Variants in PARVA observed in about 807,000 individuals in gnomAD.
PARVA encodes the protein parvin alpha.
PARVA carries 25 observed loss-of-function variants against 52.6 expected under a neutral mutation model. The observed-to-expected ratio is 0.48, with a 90% CI of 0.35 to 0.66. The LOEUF (loss-of-function observed/expected upper bound fraction) is 0.66, where lower values mean the gene tolerates loss of function less well. PARVA is among the 30% of genes least tolerant of loss of function. PARVA has a pLI of 0.01. For synonymous variants in PARVA, 185 were observed against 179.1 expected, an observed-to-expected ratio of 1.03 and a Z score of -0.26; for missense variants, 373 against 450.9, an observed-to-expected ratio of 0.83 and a Z score of 1.56.
intron 1 of PARVA, among the ~76,000 whole-genome samples, chr11:12,405,587 AAAT>A (rs1380221220): frequency 6.6e-6 from 1 of 152,032 alleles, no homozygotes; most frequent in Non-Finnish European, 1.5e-5. Context: ...TAAAGACAAA[AAAT>A]AAACCATAGT....
At chr11:12,466,893 C>G (rs1421704988) in intron 1 of PARVA, among the ~76,000 whole-genome samples, 1 of 152,102 alleles carries the variant, frequency 6.6e-6, no homozygotes, top group South Asian at 2.1e-4. Context: ...TTTGTGTAAA[C>G]TTTAGAATCA....
At chr11:12,451,039 A>G (rs1042132149) in intron 1 of PARVA, among the ~76,000 whole-genome samples, 1 of 152,154 alleles carries the variant, frequency 6.6e-6, no homozygotes, top group Non-Finnish European at 1.5e-5. Context: ...AGTCCAATCA[A>G]GTTGATACTC....
intron 4 of PARVA, 139 bp downstream of exon 4, chr11:12,478,088 C>G (rs1279092320): frequency 1.4e-6 from 1 of 732,590 alleles, no homozygotes; most frequent in Admixed American, 1.9e-5. Flanking sequence ...CATGGAATAA[C>G]AGCTCAGTGA....
intron 12 of PARVA, among the ~76,000 whole-genome samples, chr11:12,526,232 CTTT>C (rs80159559): frequency 6.6e-6 from 1 of 151,394 alleles, no homozygotes; most frequent in Admixed American, 6.6e-5. Context: ...AAAATAAAAT[CTTT>C]TTTTTTAAAA....
intron 4 of PARVA, among the ~76,000 whole-genome samples, chr11:12,484,541 G>C (rs1941132997): frequency 9.3e-6 from 1 of 107,070 alleles, no homozygotes; most frequent in Non-Finnish European, 2.1e-5. Context: ...GTGTGTGTGT[G>C]TGTGTGTGGT....
chr11:12,493,957 C>T (rs1032319474), intron 4 of PARVA, among the ~76,000 whole-genome samples: 5 of 152,264 alleles, frequency 3.3e-5, no homozygotes, highest in African/African-American at 9.6e-5. Context: ...CAAGTTCAGA[C>T]CTCTGGTACT....
At chr11:12,467,278 T>TTTTGTTTG (rs1050608008) in intron 1 of PARVA, among the ~76,000 whole-genome samples, 1 of 152,208 alleles carries the variant, frequency 6.6e-6, no homozygotes, top group Non-Finnish European at 1.5e-5. Flanking sequence ...AGCATTGGTG[T>TTTTGTTTG]TTTGTTTGTT....
chr11:12,428,834 T>C (rs569307961), intron 1 of PARVA, among the ~76,000 whole-genome samples: 49 of 152,308 alleles, frequency 3.2e-4, no homozygotes, highest in Admixed American at 8.5e-4. Flanking sequence ...TAAAATGTTA[T>C]AAATTGAAAA....
At chr11:12,376,634 A>AGAAG (rs144624980), upstream of PARVA, 9,762 of 522,690 alleles carry the variant, frequency 0.019, 109 homozygotes, top group Non-Finnish European at 0.021. Context: ...GCTGTGGCCT[A>AGAAG]GAAGGGGCCA....
chr11:12,482,574 C>T (rs1056818822), intron 4 of PARVA, among the ~76,000 whole-genome samples: 2 of 148,382 alleles, frequency 1.3e-5, no homozygotes, highest in African/African-American at 5.0e-5. Flanking sequence ...TGCAGTGAGC[C>T]AAGATCATAC....
At chr11:12,436,387 A>G (rs1310738400) in intron 1 of PARVA, among the ~76,000 whole-genome samples, 1 of 152,172 alleles carries the variant, frequency 6.6e-6, no homozygotes, top group African/African-American at 2.4e-5. Flanking sequence ...CACACAACAC[A>G]ATTAGAGCCC....
At chr11:12,448,762 C>T (rs1940581522) in intron 1 of PARVA, among the ~76,000 whole-genome samples, 3 of 152,194 alleles carry the variant, frequency 2.0e-5, no homozygotes, top group African/African-American at 7.2e-5. Flanking sequence ...GATACAACAG[C>T]TGGAAGCCAG....
At chr11:12,481,635 A>G (rs1054379957) in intron 4 of PARVA, among the ~76,000 whole-genome samples, 4 of 152,194 alleles carry the variant, frequency 2.6e-5, no homozygotes, top group East Asian at 3.8e-4. Context: ...ATAACCAAAC[A>G]TCTGTACCTA....
At chr11:12,486,120 C>T (rs182870275) in intron 4 of PARVA, among the ~76,000 whole-genome samples, 3 of 152,058 alleles carry the variant, frequency 2.0e-5, no homozygotes, top group Non-Finnish European at 4.4e-5. Flanking sequence ...GACATATGTA[C>T]GATAGTAATG....
chr11:12,417,912 T>A (rs1940089892), intron 1 of PARVA, among the ~76,000 whole-genome samples: 1 of 152,160 alleles, frequency 6.6e-6, no homozygotes, highest in Non-Finnish European at 1.5e-5. Flanking sequence ...AGGGAGCACC[T>A]CCTACAAGGC....
At chr11:12,493,284 A>G (rs1941254964) in intron 4 of PARVA, among the ~76,000 whole-genome samples, 1 of 151,454 alleles carries the variant, frequency 6.6e-6, no homozygotes, top group African/African-American at 2.4e-5. Flanking sequence ...TGAACCCGGG[A>G]GGCAGAGGTT....
Position 12,435,733 on chromosome 11 carries a change from C to T in PARVA, c.137-38012C>T, listed in dbSNP as rs73411571. ...ATTAAATTTAGAATCCCTCTCTCCTCTCAACAGTTGTCTGATTTTGGGGCA... is the reference window on the plus strand; with the variant it reads ...ATTAAATTTAGAATCCCTCTCTCCTTTCAACAGTTGTCTGATTTTGGGGCA... On this transcript the variant is annotated intron_variant, in intron 1 of 12. Coordinates refer to ENST00000334956, the MANE Select transcript of PARVA (RefSeq NM_018222.5). Among the ~76,000 whole-genome samples the T allele has an allele frequency of 7.0e-3, 1,060 of 152,268 alleles. 9 individuals are homozygous for T. Among genetic ancestry groups the T allele is most frequent in the African/African-American group, 0.024 (1,007 of 41,528 alleles).
chr11:12,413,861 C>G (rs1246615149), intron 1 of PARVA, among the ~76,000 whole-genome samples: 1 of 152,234 alleles, frequency 6.6e-6, no homozygotes, highest in African/African-American at 2.4e-5. Flanking sequence ...GTTTCTTGAA[C>G]AGGAGAAAGT....
At chr11:12,417,278 A>G (rs1225208779) in intron 1 of PARVA, among the ~76,000 whole-genome samples, 1 of 152,230 alleles carries the variant, frequency 6.6e-6, no homozygotes, top group East Asian at 1.9e-4. Context: ...TATAAGTCTA[A>G]TATGAAAAGA....
Sources: gnomAD v4.1 joint callset for allele counts (sites outside exome capture counted in the v4.1 genomes callset) on GRCh38, gnomAD v4.1.1 for gene constraint, MANE v1.5 for transcripts, NCBI Gene and HGNC (gene_info 2026-07-23, HGNC 2026-07-21) for gene names.